The following PCDHGB2 variants were observed in gnomAD, a reference collection of about 807,000 sequenced individuals.
The protein encoded by PCDHGB2 is protocadherin gamma subfamily B, 2, also known as protocadherin gamma-B2.
PCDHGB2 carries 55 observed loss-of-function variants against 59.3 expected under a neutral mutation model. The ratio of observed to expected loss-of-function variants is 0.93; its 90% CI spans 0.75 to 1.16. The LOEUF (loss-of-function observed/expected upper bound fraction) is 1.16. Among genes scored for constraint, PCDHGB2 ranks in the 50% most tolerant of loss-of-function variants. The probability of loss-of-function intolerance (pLI) is 0.00; values close to 1 mark genes in which losing one functional copy is unlikely to be tolerated. For synonymous variants in PCDHGB2, 516 were observed against 512.0 expected, an observed-to-expected ratio of 1.01 and a Z score of -0.11; for missense variants, 1,228 against 1,198.5, an observed-to-expected ratio of 1.02 and a Z score of -0.36.
intron 1 of PCDHGB2, chr5:141,410,428 C>A (rs376561050): frequency 5.0e-6 from 8 of 1,613,906 alleles, no homozygotes; most frequent in African/African-American, 1.3e-5. Flanking sequence ...TTCCCCCCAA[C>A]TACAGTGAGG....
intron 1 of PCDHGB2, chr5:141,422,988 C>T: frequency 6.2e-7 from 1 of 1,614,232 alleles, no homozygotes; most frequent in Non-Finnish European, 8.5e-7. Context: ...AACCTGGCTA[C>T]CTGGTGACCA....
At chr5:141,426,029 A>G (rs576464127) in intron 1 of PCDHGB2, among the ~76,000 whole-genome samples, 13 of 152,216 alleles carry the variant, frequency 8.5e-5, no homozygotes, top group Non-Finnish European at 1.9e-4. Flanking sequence ...AAATAGACTC[A>G]GAGCCCTGCT....
intron 1 of PCDHGB2, chr5:141,387,892 G>C (rs2091136247): frequency 6.5e-7 from 1 of 1,550,258 alleles, no homozygotes; most frequent in African/African-American, 1.4e-5. Context: ...GGGATGGGGA[G>C]CGGCGCCGGG....
intron 1 of PCDHGB2, among the ~76,000 whole-genome samples, chr5:141,465,347 G>A (rs2099101721): frequency 6.6e-6 from 1 of 151,938 alleles, no homozygotes; most frequent in South Asian, 2.1e-4. Context: ...GGTTACTGAA[G>A]AAAAAATGGG....
intron 3 of PCDHGB2, 57 bp from the exon 4 acceptor site, chr5:141,510,890 A>G (rs1434557860): frequency 1.2e-5 from 20 of 1,612,748 alleles, no homozygotes; most frequent in South Asian, 3.3e-5. Context: ...GATATAAGAC[A>G]GTGACTGTTG....
At chr5:141,499,397 T>A (rs1171838687) in intron 2 of PCDHGB2, among the ~76,000 whole-genome samples, 2 of 152,122 alleles carry the variant, frequency 1.3e-5, no homozygotes, top group African/African-American at 4.8e-5. Flanking sequence ...AAATAGTACA[T>A]GCTCATTATA....
rs754537015 is a variant in PCDHGB2 at position 141,431,184 on chromosome 5, T to C, written c.2422-63623T>C. The C allele has an allele frequency of 2.5e-6, 4 of 1,614,090 alleles. No individual in the cohort carries two copies. In the South Asian group the frequency reaches 3.3e-5, roughly 13 times the overall value. ...CGTGAAAGTGAATTAGAAATAAAAATTAGTGAAAATGCAGCCACTGAGATG... is the reference window on the plus strand; with the variant it reads ...CGTGAAAGTGAATTAGAAATAAAAACTAGTGAAAATGCAGCCACTGAGATG... On this transcript the variant is annotated intron_variant, in intron 1 of 3. Coordinates refer to ENST00000522605, the MANE Select transcript of PCDHGB2 (RefSeq NM_018923.3). This position sits in a 1 kb window ranked among gnomAD's most constrained non-coding sequence, Gnocchi z 4.8.
Position 141,486,791 on chromosome 5 carries a change from C to G in PCDHGB2, c.2422-8016C>G. On this transcript the variant is annotated intron_variant, in intron 1 of 3. Coordinates refer to ENST00000522605, the MANE Select transcript of PCDHGB2 (RefSeq NM_018923.3). The surrounding 1 kb of genome is among the most constrained non-coding windows in gnomAD (Gnocchi z 5.0). ...GCAGTTTGAGGTGCAGGCCCGGGAT[C>G]GGGGCAACCCACCCCTTAGCAGCAC... The G allele has an allele frequency of 1.9e-6, 3 of 1,614,224 alleles. No individual in the cohort carries two copies. The highest frequency in any genetic ancestry group is 2.5e-6 in the Non-Finnish European group (3 of 1,180,046).
At chr5:141,428,022 G>A (rs1439933482) in intron 1 of PCDHGB2, 11 of 1,605,558 alleles carry the variant, frequency 6.9e-6, no homozygotes, top group South Asian at 1.1e-5. Context: ...GCCACGCGCC[G>A]CAGAGTCCGG....
Position 141,414,298 on chromosome 5 carries a change from G to A in PCDHGB2, c.2421+51742G>A, listed in dbSNP as rs200349573. ...GGGAACAGTCGTAGCCCTTTTAAAT[G>A]TGCATGATTTAGACTCTGAGCAGAA... On this transcript the variant is annotated intron_variant, in intron 1 of 3. Transcript: ENST00000522605. The A allele has an allele frequency of 1.9e-5, 30 of 1,613,626 alleles. No homozygotes were observed. In the East Asian group the frequency reaches 6.7e-4, roughly 36 times the overall value.
chr5:141,472,579 G>T (rs1172183592), intron 1 of PCDHGB2, among the ~76,000 whole-genome samples: 3 of 151,928 alleles, frequency 2.0e-5, no homozygotes, highest in Non-Finnish European at 4.4e-5. Context: ...GCATCTCATT[G>T]GTCAGAAGCT....
At chr5:141,456,336 G>A (rs2098850873) in intron 1 of PCDHGB2, among the ~76,000 whole-genome samples, 1 of 152,242 alleles carries the variant, frequency 6.6e-6, no homozygotes, top group Non-Finnish European at 1.5e-5. Context: ...TGATCTAAGG[G>A]TCCTCGGAAG....
intron 1 of PCDHGB2, chr5:141,418,346 A>G (rs780933957): frequency 1.7e-5 from 27 of 1,614,022 alleles, no homozygotes; most frequent in South Asian, 2.2e-5. Flanking sequence ...TCCTGATATT[A>G]GTATGAATTC....
chr5:141,372,494 A>C, intron 1 of PCDHGB2: 2 of 1,613,974 alleles, frequency 1.2e-6, no homozygotes, highest in Middle Eastern at 1.6e-4. Context: ...CCTTGATCTC[A>C]GTGCTCTTCC....
chr5:141,451,593 C>A (rs2098719809), intron 1 of PCDHGB2, among the ~76,000 whole-genome samples: 1 of 152,042 alleles, frequency 6.6e-6, no homozygotes, highest in African/African-American at 2.4e-5. Context: ...TTGAAAGTGA[C>A]ATACAAGGCT....
Position 141,489,179 on chromosome 5 carries a change from C to T in PCDHGB2, c.2422-5628C>T. ...AGACTTCAGCTGCTGCATTCCAAGC[C>T]CTGGGTCTACCTTGGAGACAGGACA... On this transcript the variant is annotated intron_variant, in intron 1 of 3. Coordinates refer to ENST00000522605, the MANE Select transcript of PCDHGB2 (RefSeq NM_018923.3). The surrounding 1 kb of genome is among the most constrained non-coding windows in gnomAD (Gnocchi z 4.5). The T allele has an allele frequency of 8.0e-7, 1 of 1,243,186 alleles. No individual in the cohort carries two copies. The highest frequency in any genetic ancestry group is 1.1e-6 in the Non-Finnish European group (1 of 890,032). The allele number at this position is 1,243,186 out of a possible 1,614,324, so 77.0% of individuals were successfully genotyped here. A position where few individuals can be genotyped will look rare whatever the true frequency, so the allele number is the denominator to read the frequency against.
intron 1 of PCDHGB2, among the ~76,000 whole-genome samples, chr5:141,453,510 T>C (rs11958830): frequency 0.2 from 30,607 of 152,026 alleles, 3,435 homozygotes; most frequent in African/African-American, 0.31. Flanking sequence ...AAAATTGTCA[T>C]TCCTCCCCTA....
chr5:141,509,839 T>C (rs1277859334), intron 3 of PCDHGB2, among the ~76,000 whole-genome samples: 4 of 152,162 alleles, frequency 2.6e-5, no homozygotes, highest in Non-Finnish European at 5.9e-5. Context: ...CTACCTCCCA[T>C]TCACTCAGAA....
At chr5:141,418,077 T>G (rs770464447) in intron 1 of PCDHGB2, 4 of 1,613,914 alleles carry the variant, frequency 2.5e-6, no homozygotes, top group African/African-American at 1.3e-5. Context: ...GCGGAGAAGC[T>G]GCACTTCAGC....
Sources: allele counts gnomAD v4.1 joint callset (sites outside exome capture counted in the v4.1 genomes callset), GRCh38; gene constraint gnomAD v4.1.1; non-coding constraint Gnocchi (gnomAD v3.1); transcripts MANE v1.5; gene names NCBI Gene and HGNC (gene_info 2026-07-23, HGNC 2026-07-21).